Variants in ARID5B observed in about 807,000 individuals in gnomAD.
ARID5B encodes the protein AT-rich interaction domain 5B, also known as AT-rich interactive domain-containing protein 5B.
Under a neutral mutation model 97.2 loss-of-function variants are expected in ARID5B, and 13 were observed. That is an observed-to-expected ratio of 0.13 (90% CI 0.09 to 0.21). The LOEUF (loss-of-function observed/expected upper bound fraction) is 0.21, where lower values mean the gene tolerates loss of function less well. Among genes scored for constraint, ARID5B ranks in the 10% least tolerant of loss-of-function variants. The pLI is 1.00. For synonymous variants in ARID5B, 556 were observed against 570.3 expected (o/e 0.97, Z 0.36); for missense variants, 1,210 against 1,465.3 (o/e 0.83, Z 2.84).
chr10:61,972,947 T>G (rs1473649240), intron 3 of ARID5B, among the ~76,000 whole-genome samples: 1 of 152,232 alleles, frequency 6.6e-6, no homozygotes, highest in African/African-American at 2.4e-5. Context: ...CATGAGAAGT[T>G]GGGCAAACTT....
chr10:61,942,738 G>A (rs1216852246), intron 3 of ARID5B, among the ~76,000 whole-genome samples: 1 of 152,188 alleles, frequency 6.6e-6, no homozygotes, highest in Non-Finnish European at 1.5e-5. Context: ...GTTGCAGTGA[G>A]CCGAAATCAT....
At chr10:62,013,324 G>C (rs900191780) in intron 4 of ARID5B, among the ~76,000 whole-genome samples, 1 of 152,040 alleles carries the variant, frequency 6.6e-6, no homozygotes, top group Non-Finnish European at 1.5e-5. Flanking sequence ...TTTTTTAATA[G>C]ACAAAAATTG....
chr10:62,074,445 G>A (rs1840102252), intron 8 of ARID5B, among the ~76,000 whole-genome samples: 1 of 152,156 alleles, frequency 6.6e-6, no homozygotes, highest in Non-Finnish European at 1.5e-5. Flanking sequence ...AGATGTACTT[G>A]GGCAGATACT....
chr10:61,939,394 G>T (rs1010994306), intron 2 of ARID5B, among the ~76,000 whole-genome samples: 3 of 152,186 alleles, frequency 2.0e-5, no homozygotes, highest in African/African-American at 4.8e-5. Context: ...CAGAAAAGTT[G>T]GTTGTTTCCT....
intron 4 of ARID5B, among the ~76,000 whole-genome samples, chr10:62,035,636 G>A (rs377045084): frequency 2.2e-4 from 33 of 152,092 alleles, no homozygotes; most frequent in East Asian, 1.7e-3. Context: ...GATCACAGGC[G>A]TCTGCCACCA....
chr10:62,022,168 C>T (rs948380913), intron 4 of ARID5B, among the ~76,000 whole-genome samples: 2 of 152,170 alleles, frequency 1.3e-5, no homozygotes, highest in Non-Finnish European at 2.9e-5. Context: ...TAAACTCTAA[C>T]GTCCTCCAAA....
intron 9 of ARID5B, among the ~76,000 whole-genome samples, chr10:62,088,291 G>C (rs563911469): frequency 6.6e-6 from 1 of 152,172 alleles, no homozygotes; most frequent in Non-Finnish European, 1.5e-5. Flanking sequence ...TTATTATAGG[G>C]TTTCAGATGA....
chr10:61,911,443 A>G (rs1843802177), intron 2 of ARID5B, among the ~76,000 whole-genome samples: 1 of 152,192 alleles, frequency 6.6e-6, no homozygotes, highest in Admixed American at 6.5e-5. Context: ...TATGCTGTTC[A>G]ACCTGTTTTA....
intron 2 of ARID5B, among the ~76,000 whole-genome samples, chr10:61,923,588 G>A (rs1008068967): frequency 7.9e-5 from 12 of 152,308 alleles, no homozygotes; most frequent in African/African-American, 1.9e-4. Flanking sequence ...AAGGGCTTAC[G>A]TTTACTGTCC....
At chr10:61,960,237 G>A (rs1359448784) in intron 3 of ARID5B, among the ~76,000 whole-genome samples, 1 of 152,148 alleles carries the variant, frequency 6.6e-6, no homozygotes, top group African/African-American at 2.4e-5. Context: ...TGTCTGGACA[G>A]CATGGAAATA....
At chr10:61,967,077 C>G (rs1305992359) in intron 3 of ARID5B, among the ~76,000 whole-genome samples, 1 of 152,004 alleles carries the variant, frequency 6.6e-6, no homozygotes, top group Non-Finnish European at 1.5e-5. Context: ...CTAGATTTAG[C>G]ATTAATACTA....
intron 3 of ARID5B, among the ~76,000 whole-genome samples, chr10:61,974,192 A>G (rs1046936215): frequency 2.0e-5 from 3 of 152,250 alleles, no homozygotes; most frequent in South Asian, 4.1e-4. Flanking sequence ...TTATTTCCGC[A>G]AGACAATGAG....
chr10:62,009,894 G>T (rs953787352), intron 4 of ARID5B, among the ~76,000 whole-genome samples: 4 of 152,194 alleles, frequency 2.6e-5, no homozygotes, highest in Non-Finnish European at 5.9e-5. Flanking sequence ...GACACAAAAA[G>T]GAGGAAGTTA....
At chr10:61,926,935 A>G (rs921858146) in intron 2 of ARID5B, among the ~76,000 whole-genome samples, 12 of 152,102 alleles carry the variant, frequency 7.9e-5, no homozygotes, top group African/African-American at 2.9e-4. Flanking sequence ...CAAGCCTATT[A>G]TTAGGTTGGT....
At chr10:62,033,617 C>T (rs541907738) in intron 4 of ARID5B, among the ~76,000 whole-genome samples, 10 of 152,192 alleles carry the variant, frequency 6.6e-5, no homozygotes, top group Non-Finnish European at 1.3e-4. Context: ...AGTAACTCTC[C>T]AACCAGCAAA....
intron 3 of ARID5B, among the ~76,000 whole-genome samples, chr10:61,986,659 C>T (rs1838851254): frequency 6.6e-6 from 1 of 152,200 alleles, no homozygotes; most frequent in Non-Finnish European, 1.5e-5. Context: ...AGGCTCCAAG[C>T]TGTTTGTGTA....
chr10:62,008,860 C>A (rs962151351), intron 4 of ARID5B, among the ~76,000 whole-genome samples: 40 of 152,208 alleles, frequency 2.6e-4, no homozygotes, highest in Admixed American at 2.6e-3. Flanking sequence ...ACAGGACTTT[C>A]ATTATACACC....
chr10:62,091,791 G>C lies in ARID5B; in HGVS notation c.2328G>C (p.Glu776Asp). 6.2e-7 allele frequency: 1 copy of C among 1,614,070 alleles called. No homozygotes were observed. The highest frequency in any genetic ancestry group is 1.1e-5 in the South Asian group (1 of 91,066). Residue 776 changes from glutamate (E) to aspartate (D), a missense_variant, in exon 10 of 10, where the codon GAG becomes GAC. Glu to Asp is a conservative substitution (Grantham distance 45). This residue lies in a region of ARID5B where 800 missense variants were observed against 839.1 expected (regional missense o/e 0.95). Transcript: ENST00000279873. Reference sequence around the variant, plus strand: ...CCATCAATGACATCTTTAAGCATGAGAAACTGAGTCGATCAGATCCCCACC... The same window carrying C: ...CCATCAATGACATCTTTAAGCATGACAAACTGAGTCGATCAGATCCCCACC... ...RKTINDIFKH[E>D]KLSRSDPHRC...
At position 61,902,216 on chromosome 10, in the gene ARID5B, T is replaced by G. The variant is rs202030299; in HGVS notation, c.79T>G (p.Phe27Val). 1.2e-6 allele frequency: 2 copies of G among 1,613,940 alleles called. No individual in the cohort carries two copies. Residue 27 changes from phenylalanine (F) to valine (V), a missense_variant, in exon 2 of 10, where the codon TTC becomes GTC. Around this residue, in one of 8 missense-constraint regions of ARID5B, gnomAD observed 80 missense variants for 133.2 expected, o/e 0.60. Transcript: ENST00000279873. ...GPYIFYKAFQ[F>V]HLEGKPRILS... ...TTACATTTTCTACAAGGCTTTTCAATTCCACCTTGAAGGCAAACCAAGAAT... is the reference window on the plus strand; with the variant it reads ...TTACATTTTCTACAAGGCTTTTCAAGTCCACCTTGAAGGCAAACCAAGAAT...
Sources: allele counts gnomAD v4.1 joint callset (sites outside exome capture counted in the v4.1 genomes callset), GRCh38; gene constraint gnomAD v4.1.1; regional missense constraint gnomAD v4.1.1; transcripts MANE v1.5; gene names NCBI Gene and HGNC (gene_info 2026-07-23, HGNC 2026-07-21).